Variants in NTRK2 observed in about 807,000 individuals in gnomAD.
The protein encoded by NTRK2 is neurotrophic receptor tyrosine kinase 2, also known as BDNF/NT-3 growth factors receptor.
A neutral mutation model predicts 94.5 loss-of-function variants in NTRK2; 13 were observed. The ratio of observed to expected loss-of-function variants is 0.14; its 90% CI spans 0.09 to 0.22. The LOEUF (loss-of-function observed/expected upper bound fraction) is 0.22, where lower values mean the gene tolerates loss of function less well. NTRK2 is among the 10% of genes least tolerant of loss of function. The pLI, the probability that NTRK2 is intolerant of heterozygous loss-of-function variation, is 1.00. For synonymous variants in NTRK2, 372 were observed against 407.4 expected (o/e 0.91, Z 1.05); for missense variants, 639 against 1,071.2 (o/e 0.60, Z 5.63).
chr9:84,951,091 C>T (rs1035958853), intron 16 of NTRK2, among the ~76,000 whole-genome samples: 14 of 152,284 alleles, frequency 9.2e-5, no homozygotes, highest in Admixed American at 7.2e-4. Flanking sequence ...TGGCTGGTGC[C>T]GTCTGGATCA....
At chr9:84,878,844 G>A (rs1207689299) in intron 14 of NTRK2, among the ~76,000 whole-genome samples, 1 of 152,018 alleles carries the variant, frequency 6.6e-6, no homozygotes, top group Non-Finnish European at 1.5e-5. Context: ...GTAAACCTCT[G>A]GCCTTTGCAA....
rs530263576 is a variant in NTRK2 at position 84,721,275 on chromosome 9, A to G, written c.584-2298A>G. Reference sequence around the variant, plus strand: ...ACTGCAAGCTCCGCCTCCCGGGTTCAAGCAATTCCCCTGCCTCAGCCTCCC... The same window carrying G: ...ACTGCAAGCTCCGCCTCCCGGGTTCGAGCAATTCCCCTGCCTCAGCCTCCC... On this transcript the variant is annotated intron_variant, in intron 6 of 18. Transcript: ENST00000277120. Among the ~76,000 whole-genome samples, 59 of 151,952 alleles carry G rather than the reference A, an allele frequency of 3.9e-4. 1 individual carries two copies. The highest frequency in any genetic ancestry group is 1.4e-3 in the African/African-American group (58 of 41,428).
At chr9:84,811,112 T>C (rs201224054) in intron 12 of NTRK2, 21 of 1,068,262 alleles carry the variant, frequency 2.0e-5, no homozygotes, top group Non-Finnish European at 2.4e-5. Flanking sequence ...CTTTTTCATC[T>C]ATAACACAGT....
intron 16 of NTRK2, among the ~76,000 whole-genome samples, chr9:84,949,453 T>G (rs1381001028): frequency 4.7e-5 from 1 of 21,270 alleles, no homozygotes; most frequent in Admixed American, 5.1e-4. Context: ...GGGATTTATT[T>G]ATTTATTTAT....
At chr9:84,876,934 C>T in intron 14 of NTRK2, 5 of 1,060,712 alleles carry the variant, frequency 4.7e-6, no homozygotes, top group Non-Finnish European at 5.7e-6. Flanking sequence ...CTGAATTCTA[C>T]CTAGATTTTT....
At chr9:84,779,712 GA>G (rs1368914456) in intron 12 of NTRK2, among the ~76,000 whole-genome samples, 2 of 152,156 alleles carry the variant, frequency 1.3e-5, no homozygotes, top group African/African-American at 2.4e-5. Flanking sequence ...GTGTGCTGAT[GA>G]TATTGTTTCT....
intron 17 of NTRK2, among the ~76,000 whole-genome samples, chr9:84,977,385 C>T (rs545378767): frequency 6.6e-6 from 1 of 151,976 alleles, no homozygotes; most frequent in East Asian, 1.9e-4. Context: ...ATAACAAGCA[C>T]AAAAATGCAA....
At chr9:84,960,793 T>C (rs974610585) in intron 17 of NTRK2, among the ~76,000 whole-genome samples, 3 of 152,262 alleles carry the variant, frequency 2.0e-5, no homozygotes, top group East Asian at 1.9e-4. Flanking sequence ...CTCATATCTA[T>C]GTCTCTCATT....
chr9:84,819,514 A>C (rs563013269), intron 12 of NTRK2, among the ~76,000 whole-genome samples: 2 of 152,116 alleles, frequency 1.3e-5, no homozygotes, highest in Non-Finnish European at 2.9e-5. Flanking sequence ...GGGGAGGTTG[A>C]TTGATTACCT....
intron 17 of NTRK2, among the ~76,000 whole-genome samples, chr9:85,009,211 A>T (rs561596588): frequency 6.6e-6 from 1 of 152,350 alleles, no homozygotes; most frequent in South Asian, 2.1e-4. Context: ...TTCATAATGC[A>T]TTAGGAAGTC....
chr9:84,704,225 CTTTTTTTTTT>C (rs773413015), intron 4 of NTRK2, among the ~76,000 whole-genome samples: 1 of 93,710 alleles, frequency 1.1e-5, no homozygotes. Flanking sequence ...TGGTGGTATT[CTTTTTTTTTT>C]TTTTTTTTTT....
At chr9:84,855,436 C>T (rs2075016930) in intron 12 of NTRK2, among the ~76,000 whole-genome samples, 1 of 152,040 alleles carries the variant, frequency 6.6e-6, no homozygotes, top group Non-Finnish European at 1.5e-5. Flanking sequence ...TGGTTCTTAG[C>T]ATTTGGGGGT....
At chr9:84,735,293 C>T (rs868319170) in intron 9 of NTRK2, among the ~76,000 whole-genome samples, 5 of 152,152 alleles carry the variant, frequency 3.3e-5, no homozygotes, top group East Asian at 1.9e-4. Context: ...CAGGGCTTCT[C>T]GAACTTTAAT....
chr9:84,882,713 T>C (rs905904428), intron 14 of NTRK2, among the ~76,000 whole-genome samples: 5 of 145,624 alleles, frequency 3.4e-5, no homozygotes, highest in African/African-American at 1.1e-4. Context: ...TGTGTGTGTG[T>C]GTGTGTGCGC....
chr9:84,687,459 C>T (rs1035789332), intron 2 of NTRK2, among the ~76,000 whole-genome samples: 10 of 152,142 alleles, frequency 6.6e-5, no homozygotes, highest in African/African-American at 2.2e-4. Flanking sequence ...GGAGGAATTG[C>T]TTTCCCACCA....
intron 12 of NTRK2, among the ~76,000 whole-genome samples, chr9:84,816,222 A>G (rs1016423322): frequency 7.9e-5 from 12 of 152,148 alleles, no homozygotes; most frequent in African/African-American, 2.9e-4. Flanking sequence ...CCATGAGACC[A>G]TAACTGTTAG....
intron 9 of NTRK2, among the ~76,000 whole-genome samples, chr9:84,729,452 C>A (rs1348813373): frequency 2.6e-5 from 4 of 152,162 alleles, no homozygotes; most frequent in Non-Finnish European, 5.9e-5. Context: ...TGCAGGAAGT[C>A]ATGTTTGAGG....
At chr9:84,901,794 C>T (rs183495765) in intron 14 of NTRK2, among the ~76,000 whole-genome samples, 9 of 152,222 alleles carry the variant, frequency 5.9e-5, no homozygotes, top group Non-Finnish European at 1.3e-4. Context: ...TATGTCTAGA[C>T]CATAATTCCC....
intron 12 of NTRK2, among the ~76,000 whole-genome samples, chr9:84,759,669 C>T (rs1006333287): frequency 3.3e-5 from 5 of 152,208 alleles, no homozygotes; most frequent in Admixed American, 2.6e-4. Context: ...CTTTGACCTC[C>T]TCACATAGCT....
Sources: gnomAD v4.1 joint callset for allele counts (sites outside exome capture counted in the v4.1 genomes callset) on GRCh38, gnomAD v4.1.1 for gene constraint, MANE v1.5 for transcripts, NCBI Gene and HGNC (gene_info 2026-07-23, HGNC 2026-07-21) for gene names.